Variants in FRAS1 observed in about 807,000 individuals in gnomAD.
FRAS1 encodes Fraser extracellular matrix complex subunit 1, also known as extracellular matrix organizing protein FRAS1.
FRAS1 carries 290 observed loss-of-function variants against 435.2 expected under a neutral mutation model. That is an observed-to-expected ratio of 0.67 (90% CI 0.61 to 0.73). The LOEUF (loss-of-function observed/expected upper bound fraction) is 0.73. Ranked by LOEUF, FRAS1 falls within the 30% of genes least tolerant of loss-of-function variation. The pLI, the probability that FRAS1 is intolerant of heterozygous loss-of-function variation, is 0.00. For missense variants in FRAS1, 4,860 were observed against 5,001.5 expected, an observed-to-expected ratio of 0.97 and a Z score of 0.85; for synonymous variants, 1,800 against 1,851.0, an observed-to-expected ratio of 0.97 and a Z score of 0.71.
chr4:78,492,521 A>G (rs571917604), intron 59 of FRAS1, among the ~76,000 whole-genome samples: 9 of 152,312 alleles, frequency 5.9e-5, no homozygotes, highest in African/African-American at 1.7e-4. Context: ...TTTTTGACAA[A>G]CCTGACAAAA....
chr4:78,526,496 T>C (rs963653543), intron 69 of FRAS1, 45 bp from the exon 70 acceptor site: 1 of 1,299,988 alleles, frequency 7.7e-7, no homozygotes, highest in Non-Finnish European at 1.1e-6. Flanking sequence ...GCCAGCAACC[T>C]ATCAGTTGTT....
chr4:78,251,767 G>GT (rs1313812695), intron 4 of FRAS1, among the ~76,000 whole-genome samples: 1 of 152,200 alleles, frequency 6.6e-6, no homozygotes. Context: ...TAGTTTCCAA[G>GT]GCAGGAAGGG....
At chr4:78,312,865 G>A (rs997529180) in intron 15 of FRAS1, among the ~76,000 whole-genome samples, 1 of 142,898 alleles carries the variant, frequency 7.0e-6, no homozygotes. Context: ...AAGAAAGAGA[G>A]AGAGAGAGAG....
Position 78,464,033 on chromosome 4 carries a change from G to A in FRAS1, c.6776G>A (p.Ser2259Asn). 1.9e-6 allele frequency: 3 copies of A among 1,613,158 alleles called. No homozygotes were observed. The highest frequency in any genetic ancestry group is 1.7e-6 in the Non-Finnish European group (2 of 1,179,778). ...EHAASPGIQI[S>N]SFTQADLTSR... Reference sequence around the variant, plus strand: ...CCCCTTTTTCTAGGTATCCAGATTAGTTCCTTTACTCAAGCTGATCTGACT... The same window carrying A: ...CCCCTTTTTCTAGGTATCCAGATTAATTCCTTTACTCAAGCTGATCTGACT... The change falls in exon 48 of 74, where the codon AGT becomes AAT. Residue 2259 changes from serine to asparagine, a missense_variant. Physicochemically the swap from Ser to Asn is conservative, Grantham distance 46 (BLOSUM62 1). Coordinates refer to ENST00000512123, the MANE Select transcript of FRAS1 (RefSeq NM_025074.7).
At position 78,542,648 on chromosome 4, in the gene FRAS1, C is replaced by G. The variant is rs1183671275; in HGVS notation, c.*1524C>G. 2 of 152,644 alleles carry G rather than the reference C, an allele frequency of 1.3e-5. No individual in the cohort carries two copies. Among genetic ancestry groups the G allele is most frequent in the Non-Finnish European group, 2.9e-5 (2 of 68,046 alleles). 9.5% of individuals were successfully genotyped at this position (152,644 alleles called of 1,614,324 possible). On this transcript the variant is annotated 3_prime_UTR_variant, in exon 74 of 74. Transcript: ENST00000512123. ...AGGATGAACTGTGAAAGGTTCTAGG[C>G]AGCTCTGTGAGACTCCAAGCTCCTT...
intron 30 of FRAS1, among the ~76,000 whole-genome samples, chr4:78,403,977 T>C (rs1467443002): frequency 1.3e-5 from 2 of 152,180 alleles, no homozygotes; most frequent in African/African-American, 4.8e-5. Context: ...CAAAAAATTA[T>C]AAGTCAAACC....
In FRAS1 at chr4:78,361,302, C is replaced by A. The variant is rs147704889; in HGVS notation, c.2423-2211C>A. Among the ~76,000 whole-genome samples, 57 of 152,346 alleles carry A rather than the reference C, an allele frequency of 3.7e-4. No individual in the cohort carries two copies. In the East Asian group the frequency reaches 9.6e-3, roughly 26 times the overall value. On this transcript the variant is annotated intron_variant, in intron 20 of 73. Coordinates refer to ENST00000512123, the MANE Select transcript of FRAS1 (RefSeq NM_025074.7). ...ACACCAAATCTGGGGAAAGTAGTCT[C>A]CTTCTCATATTTCCCTCAATGCAGT...
At chr4:78,104,055 C>G (rs1194166711) in intron 2 of FRAS1, among the ~76,000 whole-genome samples, 3 of 152,178 alleles carry the variant, frequency 2.0e-5, no homozygotes, top group Non-Finnish European at 4.4e-5. Flanking sequence ...TCACTTAGCT[C>G]AGGGCTTAGC....
At chr4:78,259,330 A>C (rs62309992) in intron 6 of FRAS1, among the ~76,000 whole-genome samples, 27,021 of 112,314 alleles carry the variant, frequency 0.24, 3,473 homozygotes, top group Admixed American at 0.3. Context: ...CCAACAGTGT[A>C]AAAGTGTTCC....
rs958314325 is a variant in FRAS1 at position 78,090,853 on chromosome 4, C to T, written c.108+24837C>T. 5.9e-5 allele frequency among the ~76,000 whole-genome samples: 9 copies of T among 152,154 alleles called. 1 individual carries two copies. The highest frequency in any genetic ancestry group is 2.2e-4 in the African/African-American group (9 of 41,524). ...CTCAGCATAATTTTCAAATGTAAAACTTCTAAGAGGAGCATAATTCTAGAA... is the reference window on the plus strand; with the variant it reads ...CTCAGCATAATTTTCAAATGTAAAATTTCTAAGAGGAGCATAATTCTAGAA... On this transcript the variant is annotated intron_variant, in intron 2 of 73. Transcript: ENST00000512123.
At chr4:78,079,223 G>T (rs1475137036) in intron 2 of FRAS1, among the ~76,000 whole-genome samples, 1 of 151,998 alleles carries the variant, frequency 6.6e-6, no homozygotes, top group East Asian at 1.9e-4. Context: ...TCTCATAAGG[G>T]GGAAAAACCC....
Position 78,499,893 on chromosome 4 carries a change from A to G in FRAS1, c.9288A>G (p.Pro3096=). The change falls in exon 61 of 74, where the codon CCA becomes CCG. Residue 3096 remains proline, a synonymous_variant. Transcript: ENST00000512123. Reference sequence around the variant, plus strand: ...CCCAGTCTGGTGTGGATTATTACCCAAAGAGCCGAGTCTTGAAGTTCAGTC... The same window carrying G: ...CCCAGTCTGGTGTGGATTATTACCCGAAGAGCCGAGTCTTGAAGTTCAGTC... ...GSAQSGVDYY[P]KSRVLKFSPG... 6.3e-7 allele frequency: 1 copy of G among 1,582,252 alleles called. No individual in the cohort carries two copies. The highest frequency in any genetic ancestry group is 2.3e-5 in the East Asian group (1 of 44,192).
intron 49 of FRAS1, among the ~76,000 whole-genome samples, 190 bp downstream of exon 49, chr4:78,464,773 A>G (rs1030445974): frequency 2.6e-5 from 4 of 152,190 alleles, no homozygotes; most frequent in Admixed American, 6.5e-5. Flanking sequence ...TTGAGATCAA[A>G]TTGTTTTTAA....
At chr4:78,338,006 ACTT>A (rs1730245293) in intron 20 of FRAS1, 189 bp downstream of exon 20, 2 of 572,832 alleles carry the variant, frequency 3.5e-6, no homozygotes, top group Admixed American at 3.0e-5. Context: ...TTTAAATAGA[ACTT>A]CTAATAATAC....
chr4:78,321,627 T>C (rs1349536445), intron 18 of FRAS1, among the ~76,000 whole-genome samples: 2 of 152,096 alleles, frequency 1.3e-5, no homozygotes, highest in African/African-American at 4.8e-5. Flanking sequence ...GTGGATCACC[T>C]GAGGTCTGGA....
chr4:78,489,341 A>G (rs1475412303), intron 59 of FRAS1, among the ~76,000 whole-genome samples: 1 of 152,204 alleles, frequency 6.6e-6, no homozygotes, highest in Non-Finnish European at 1.5e-5. Flanking sequence ...TGATTATCAC[A>G]TATTTTATGT....
chr4:78,317,116 G>A (rs1232899963), intron 16 of FRAS1, among the ~76,000 whole-genome samples: 1 of 152,210 alleles, frequency 6.6e-6, no homozygotes, highest in Admixed American at 6.5e-5. Flanking sequence ...AAGTGACAAT[G>A]TGTAGAAAGT....
At chr4:78,401,784 C>T (rs1732904133) in intron 30 of FRAS1, among the ~76,000 whole-genome samples, 1 of 150,188 alleles carries the variant, frequency 6.7e-6, no homozygotes, top group Non-Finnish European at 1.5e-5. Context: ...CGGTAAATCT[C>T]AGGTTAAATT....
At chr4:78,528,835 C>G (rs550302637) in intron 70 of FRAS1, among the ~76,000 whole-genome samples, 1 of 152,280 alleles carries the variant, frequency 6.6e-6, no homozygotes, top group South Asian at 2.1e-4. Context: ...AACTGCCAAA[C>G]TGTCTTCCAG....
Sources: gnomAD v4.1 joint callset for allele counts (sites outside exome capture counted in the v4.1 genomes callset) on GRCh38, gnomAD v4.1.1 for gene constraint, MANE v1.5 for transcripts, NCBI Gene and HGNC (gene_info 2026-07-23, HGNC 2026-07-21) for gene names.